PTPRZ1: variants seen among roughly 807,000 people sequenced by gnomAD.
PTPRZ1 encodes receptor-type tyrosine-protein phosphatase zeta.
A neutral mutation model predicts 214.1 loss-of-function variants in PTPRZ1; 82 were observed. That is an observed-to-expected ratio of 0.38 (90% CI 0.32 to 0.46). The LOEUF is 0.46. Ranked by LOEUF, PTPRZ1 falls within the 20% of genes least tolerant of loss-of-function variation. The probability of loss-of-function intolerance (pLI) is 1.00; values close to 1 mark genes in which losing one functional copy is unlikely to be tolerated. For synonymous variants in PTPRZ1, 945 were observed against 987.9 expected (o/e 0.96, Z 0.81); for missense variants, 2,603 against 2,748.7 (o/e 0.95, Z 1.19).
chr7:122,008,579 T>C (rs1206208640), intron 11 of PTPRZ1, among the ~76,000 whole-genome samples: 1 of 152,098 alleles, frequency 6.6e-6, no homozygotes, highest in Admixed American at 6.6e-5. Context: ...CCTGTTTTTA[T>C]GTTAAGAAGA....
chr7:122,037,996 C>T (rs1799599913), intron 18 of PTPRZ1, among the ~76,000 whole-genome samples: 1 of 152,150 alleles, frequency 6.6e-6, no homozygotes, highest in East Asian at 1.9e-4. Flanking sequence ...AACTTACAGT[C>T]ATGGTGAAAG....
chr7:121,910,087 C>G (rs941035345), intron 1 of PTPRZ1, among the ~76,000 whole-genome samples: 1 of 152,214 alleles, frequency 6.6e-6, no homozygotes, highest in Non-Finnish European at 1.5e-5. Context: ...ATCTCCCCTG[C>G]CTGCTCTCAG....
chr7:122,013,493 G>A lies in PTPRZ1; in HGVS notation c.4447G>A (p.Glu1483Lys), dbSNP rs772646009. 25 of 1,614,008 alleles carry A rather than the reference G, an allele frequency of 1.5e-5. No individual in the cohort carries two copies. The highest frequency in any genetic ancestry group is 2.1e-5 in the Non-Finnish European group (25 of 1,180,032). ...ATACTCACTATCTGAGAATTCTGAA[G>A]AAGATAATAGAGTCACAAGTGTATC... Reference protein sequence around the residue: ...ISYSLSENSEEDNRVTSVSSD... With the variant: ...ISYSLSENSEKDNRVTSVSSD... Residue 1483 changes from glutamate to lysine, a missense_variant, in exon 12 of 30, where the codon GAA becomes AAA. Transcript: ENST00000393386.
chr7:121,943,502 AT>A (rs575337322), intron 2 of PTPRZ1, among the ~76,000 whole-genome samples: 1 of 151,060 alleles, frequency 6.6e-6, no homozygotes. Context: ...TGCCCGGCTA[AT>A]TTTTTTTTGT....
At chr7:121,933,472 C>A (rs1795984215) in intron 2 of PTPRZ1, among the ~76,000 whole-genome samples, 1 of 152,070 alleles carries the variant, frequency 6.6e-6, no homozygotes, top group African/African-American at 2.4e-5. Context: ...AAAACCTTAA[C>A]ACCTTTAAAA....
chr7:122,012,293 G>C lies in PTPRZ1; in HGVS notation c.3247G>C (p.Ala1083Pro), dbSNP rs764934722. ...NMYDNVNKLN[A>P]SLQETSVSIS... ...GTATGATAATGTAAATAAGTTGAAT[G>C]CGTCTTTACAAGAAACCTCTGTTTC... Residue 1083 changes from alanine (A) to proline (P), a missense_variant, in exon 12 of 30, where the codon GCG (alanine) becomes CCG (proline). Physicochemically the swap from Ala to Pro is conservative, Grantham distance 27. Transcript: ENST00000393386. 1 of 1,614,162 alleles carries C rather than the reference G, an allele frequency of 6.2e-7. No individual in the cohort carries two copies. Among genetic ancestry groups the C allele is most frequent in the Non-Finnish European group, 8.5e-7 (1 of 1,180,026 alleles).
chr7:122,013,812 T>A lies in PTPRZ1; in HGVS notation c.4766T>A (p.Ile1589Lys). The change falls in exon 12 of 30, where the codon ATA becomes AAA. Residue 1589 changes from isoleucine to lysine, a missense_variant. By Grantham distance (102) the Ile-to-Lys change is moderately radical. Around this residue, in one of 6 missense-constraint regions of PTPRZ1, gnomAD observed 1,913 missense variants for 1,914.3 expected, o/e 1.00. Coordinates refer to ENST00000393386, the MANE Select transcript of PTPRZ1 (RefSeq NM_002851.3). ...DGILAAGDSE[I>K]TPGFPQSPTS... Reference sequence around the variant, plus strand: ...ATCCTGGCAGCAGGTGACTCAGAAATAACTCCTGGATTCCCACAGTCCCCA... The same window carrying A: ...ATCCTGGCAGCAGGTGACTCAGAAAAAACTCCTGGATTCCCACAGTCCCCA... 1.2e-6 allele frequency: 2 copies of A among 1,614,126 alleles called. No homozygotes were observed. The highest frequency in any genetic ancestry group is 1.7e-6 in the Non-Finnish European group (2 of 1,180,008).
At chr7:121,948,116 C>T (rs758765769) in intron 2 of PTPRZ1, among the ~76,000 whole-genome samples, 1 of 152,092 alleles carries the variant, frequency 6.6e-6, no homozygotes, top group Non-Finnish European at 1.5e-5. Flanking sequence ...ATAACAACAA[C>T]AAATACAGGT....
At chr7:121,923,878 A>G (rs1284202259) in intron 1 of PTPRZ1, among the ~76,000 whole-genome samples, 1 of 152,026 alleles carries the variant, frequency 6.6e-6, no homozygotes, top group African/African-American at 2.4e-5. Flanking sequence ...ACCTGTTTGC[A>G]TATTTGTAAG....
chr7:121,987,954 G>A (rs1157477819), intron 8 of PTPRZ1, among the ~76,000 whole-genome samples: 1 of 152,176 alleles, frequency 6.6e-6, no homozygotes, highest in Non-Finnish European at 1.5e-5. Context: ...TCACTTATAA[G>A]TGGGAGCTAA....
At chr7:121,918,961 A>G (rs934034257) in intron 1 of PTPRZ1, among the ~76,000 whole-genome samples, 2 of 151,966 alleles carry the variant, frequency 1.3e-5, no homozygotes, top group Non-Finnish European at 2.9e-5. Context: ...ATATTAACAT[A>G]TTTTATAGTT....
intron 1 of PTPRZ1, among the ~76,000 whole-genome samples, chr7:121,904,046 A>T (rs1795050052): frequency 6.6e-6 from 1 of 152,150 alleles, no homozygotes; most frequent in African/African-American, 2.4e-5. Flanking sequence ...AAAAGTTCAA[A>T]TTACAGTGGA....
intron 2 of PTPRZ1, among the ~76,000 whole-genome samples, chr7:121,940,619 A>T (rs1318435610): frequency 6.6e-6 from 1 of 152,222 alleles, no homozygotes; most frequent in East Asian, 1.9e-4. Context: ...CAATGATTAC[A>T]TGTGTAAGTA....
chr7:122,034,260 A>G (rs779269171), intron 16 of PTPRZ1, 22 bp from the exon 17 acceptor site: 64 of 1,604,034 alleles, frequency 4.0e-5, no homozygotes, highest in Admixed American at 3.5e-4. Flanking sequence ...TGTTAAAATG[A>G]TTTACATATA....
At chr7:121,892,454 G>A (rs1794662245) in intron 1 of PTPRZ1, among the ~76,000 whole-genome samples, 1 of 151,454 alleles carries the variant, frequency 6.6e-6, no homozygotes, top group African/African-American at 2.4e-5. Context: ...GTACCTGCCT[G>A]GTAAAAGGAA....
intron 1 of PTPRZ1, among the ~76,000 whole-genome samples, chr7:121,893,514 C>G (rs1281755065): frequency 6.6e-6 from 1 of 152,190 alleles, no homozygotes; most frequent in Non-Finnish European, 1.5e-5. Context: ...CCTGTGTATT[C>G]CCTTTACAGA....
At chr7:121,994,161 CAT>C (rs1366551403) in intron 8 of PTPRZ1, among the ~76,000 whole-genome samples, 2 of 152,064 alleles carry the variant, frequency 1.3e-5, no homozygotes, top group African/African-American at 4.8e-5. Context: ...GCGAGACAAA[CAT>C]AGACATCCAA....
At chr7:121,907,694 T>C (rs1437497416) in intron 1 of PTPRZ1, among the ~76,000 whole-genome samples, 3 of 151,998 alleles carry the variant, frequency 2.0e-5, no homozygotes, top group Non-Finnish European at 4.4e-5. Context: ...AATTAATATA[T>C]TTAGGATCTA....
chr7:121,919,272 C>A (rs985327045), intron 1 of PTPRZ1, among the ~76,000 whole-genome samples: 1 of 152,096 alleles, frequency 6.6e-6, no homozygotes, highest in Non-Finnish European at 1.5e-5. Context: ...GTTTCTGTTT[C>A]TTTGACACCA....
Sources: gnomAD v4.1 joint callset for allele counts (sites outside exome capture counted in the v4.1 genomes callset) on GRCh38, gnomAD v4.1.1 for gene constraint, gnomAD v4.1.1 regional missense constraint, MANE v1.5 for transcripts, NCBI Gene and HGNC (gene_info 2026-07-23, HGNC 2026-07-21) for gene names.